Variants in PYGL observed in about 807,000 individuals in gnomAD.
PYGL encodes glycogen phosphorylase L.
A neutral mutation model predicts 100.1 loss-of-function variants in PYGL; 90 were observed. The ratio of observed to expected loss-of-function variants is 0.90; its 90% CI spans 0.76 to 1.07. The LOEUF (loss-of-function observed/expected upper bound fraction) is 1.07, where lower values mean the gene tolerates loss of function less well. Among genes scored for constraint, PYGL ranks in the 50% least tolerant of loss-of-function variants. The probability of loss-of-function intolerance (pLI) is 0.00; values close to 1 mark genes in which losing one functional copy is unlikely to be tolerated. For synonymous variants in PYGL, 373 were observed against 393.0 expected, an observed-to-expected ratio of 0.95 and a Z score of 0.60; for missense variants, 1,016 against 1,057.6, an observed-to-expected ratio of 0.96 and a Z score of 0.55.
At position 50,921,396 on chromosome 14, in the gene PYGL, A is replaced by C. The variant is rs1596040845; in HGVS notation, c.661-329T>G. ...ATGGTATTTGTATTCAAAAAAGTTT[A>C]TCTTTTTTTTTTTTTGAGACGGAGT... On this transcript the variant is annotated intron_variant, in intron 5 of 19. Transcript: ENST00000216392. The C allele has an allele frequency of 1.3e-5, 3 of 239,010 alleles. No individual in the cohort carries two copies. In the East Asian group the frequency reaches 3.1e-4, roughly 25 times the overall value. The allele number at this position is 239,010 out of a possible 1,614,324, so 14.8% of individuals were successfully genotyped here. A position where few individuals can be genotyped will look rare whatever the true frequency, so the allele number is the denominator to read the frequency against.
intron 16 of PYGL, among the ~76,000 whole-genome samples, chr14:50,910,582 A>G (rs2142789377): frequency 6.6e-6 from 1 of 152,218 alleles, no homozygotes; most frequent in Non-Finnish European, 1.5e-5. Context: ...CAGCCTCCCA[A>G]GTAGCTGCAA....
intron 16 of PYGL, among the ~76,000 whole-genome samples, chr14:50,910,679 C>CTTA (rs1189815566): frequency 8.5e-5 from 13 of 152,304 alleles, no homozygotes; most frequent in African/African-American, 3.1e-4. Context: ...CTGAACTTCT[C>CTTA]TCTCTTGATC....
chr14:50,927,523 C>T (rs530776961), intron 4 of PYGL, among the ~76,000 whole-genome samples: 51 of 152,314 alleles, frequency 3.3e-4, no homozygotes, highest in Admixed American at 3.3e-3. Context: ...CCACGATAAG[C>T]CACATTTGCT....
At chr14:50,907,912 G>A (rs531180986) in intron 19 of PYGL, among the ~76,000 whole-genome samples, 68 of 151,766 alleles carry the variant, frequency 4.5e-4, no homozygotes, top group Middle Eastern at 6.8e-3. Flanking sequence ...TAAGTGTGGT[G>A]GCACGTGCCT....
intron 12 of PYGL, chr14:50,913,418 CTGG>C (rs2050417848): frequency 6.2e-6 from 1 of 161,640 alleles, no homozygotes; most frequent in African/African-American, 2.4e-5. Flanking sequence ...GTCGCCCAGG[CTGG>C]AGTACAGTGG....
intron 4 of PYGL, among the ~76,000 whole-genome samples, chr14:50,927,922 G>A (rs2050567302): frequency 6.6e-6 from 1 of 152,040 alleles, no homozygotes; most frequent in African/African-American, 2.4e-5. Flanking sequence ...AGGTTTCCAT[G>A]TAGCCAGTGA....
intron 9 of PYGL, 126 bp from the exon 10 acceptor site, chr14:50,916,097 C>A: frequency 7.7e-7 from 1 of 1,304,098 alleles, no homozygotes; most frequent in South Asian, 1.2e-5. Context: ...TCAGAGCACT[C>A]AATTCCACTA....
chr14:50,908,121 T>G, intron 19 of PYGL, 150 bp downstream of exon 19: 9 of 583,228 alleles, frequency 1.5e-5, no homozygotes, highest in African/African-American at 2.0e-5. Flanking sequence ...TTGTTGTGGT[T>G]GTTTGTTTGT....
At chr14:50,939,152 T>C (rs2050682915) in intron 1 of PYGL, among the ~76,000 whole-genome samples, 1 of 152,170 alleles carries the variant, frequency 6.6e-6, no homozygotes, top group South Asian at 2.1e-4. Flanking sequence ...CAATTCTCCT[T>C]CAGCCTCCTG....
rs778923999 is a variant in PYGL at position 50,912,238 on chromosome 14, G to A, written c.1686C>T (p.Ser562=). 1.2e-6 allele frequency: 2 copies of A among 1,613,982 alleles called. No individual in the cohort carries two copies. The highest frequency in any genetic ancestry group is 8.5e-7 in the Non-Finnish European group (1 of 1,179,854). The stretch of plus-strand genomic sequence containing the variant: ...TCCTCTTCACCTGGACATCAAACAT[G>A]GAGGATGGGTTGATCTTCACTTTGT... ...TEYKVKINPS[S]MFDVQVKRIH... Residue 562 remains serine (S), a synonymous_variant, in exon 14 of 20, where the codon TCC becomes TCT. Transcript: ENST00000216392.
intron 17 of PYGL, among the ~76,000 whole-genome samples, chr14:50,909,238 G>A (rs1054511838): frequency 5.3e-5 from 8 of 152,096 alleles, no homozygotes; most frequent in African/African-American, 1.9e-4. Flanking sequence ...ATACAGCAAG[G>A]TCCATTTCAA....
At chr14:50,932,429 T>A (rs73286825) in intron 3 of PYGL, among the ~76,000 whole-genome samples, 9,078 of 152,098 alleles carry the variant, frequency 0.06, 391 homozygotes, top group African/African-American at 0.12. Context: ...ATCAGATGAG[T>A]GGTGCTAGAA....
In PYGL at chr14:50,920,576, C is replaced by T. The variant is rs146541298; in HGVS notation, c.820G>A (p.Glu274Lys). 5.1e-5 allele frequency: 82 copies of T among 1,613,412 alleles called. No homozygotes were observed. Among genetic ancestry groups the T allele is most frequent in the Non-Finnish European group, 6.4e-5 (76 of 1,179,462 alleles). ...GGATAGAGGACCCGGGAGATGTTCT[C>T]GGCCAGGTTTCGGTCCAGCACAGCC... Reference protein sequence around the residue: ...IQAVLDRNLAENISRVLYPND... With the variant: ...IQAVLDRNLAKNISRVLYPND... Residue 274 changes from glutamate to lysine, a missense_variant, in exon 7 of 20, where the codon GAG (glutamate) becomes AAG (lysine). Physicochemically the swap from Glu to Lys is moderately conservative, Grantham distance 56 (BLOSUM62 1). Coordinates refer to ENST00000216392, the MANE Select transcript of PYGL (RefSeq NM_002863.5).
rs540020530 is a variant in PYGL at position 50,935,177 on chromosome 14, C to G, written c.354G>C (p.Leu118Phe). The change falls in exon 3 of 20, where the codon TTG becomes TTC. Residue 118 changes from leucine to phenylalanine, a missense_variant. Physicochemically the swap from Leu to Phe is conservative, Grantham distance 22. Transcript: ENST00000216392. ...ACDEAIYQLG[L>F]DIEELEEIEE... is the part of the protein sequence containing the mutation. ...CAATTTCTTCTAACTCTTCTATATC[C>G]AATCCAAGCTGGTAATGAAAGGAAA... is the stretch of plus-strand genomic sequence containing the variant. 32 of 1,611,248 alleles carry G rather than the reference C, an allele frequency of 2.0e-5. No homozygotes were observed. Among genetic ancestry groups the G allele is most frequent in the Admixed American group, 1.5e-4 (9 of 60,012 alleles).
At chr14:50,916,082 C>T (rs1215672039) in intron 9 of PYGL, 111 bp from the exon 10 acceptor site, 22 of 1,439,758 alleles carry the variant, frequency 1.5e-5, no homozygotes, top group Non-Finnish European at 2.0e-5. Flanking sequence ...TCCAAGTGTG[C>T]ATAGTCAGAG....
chr14:50,927,100 A>C (rs1310458876), intron 4 of PYGL, among the ~76,000 whole-genome samples: 2 of 152,166 alleles, frequency 1.3e-5, no homozygotes, highest in Non-Finnish European at 2.9e-5. Flanking sequence ...CAGCAGGATG[A>C]TATACTGTCC....
intron 19 of PYGL, 24 bp downstream of exon 19, chr14:50,908,247 T>A: frequency 6.5e-7 from 1 of 1,545,086 alleles, no homozygotes; most frequent in Non-Finnish European, 8.9e-7. Context: ...TGGTTTTCTT[T>A]ATAAATCTTG....
intron 1 of PYGL, among the ~76,000 whole-genome samples, chr14:50,943,526 C>T (rs1339338642): frequency 6.6e-6 from 1 of 152,212 alleles, no homozygotes; most frequent in Non-Finnish European, 1.5e-5. Context: ...CATTGCCTGG[C>T]CCTGGGCCGC....
intron 4 of PYGL, among the ~76,000 whole-genome samples, chr14:50,925,372 T>A (rs942381590): frequency 1.3e-5 from 2 of 152,164 alleles, no homozygotes; most frequent in Non-Finnish European, 2.9e-5. Context: ...CATTAAAAAA[T>A]GGAATTGTGT....
Sources: gnomAD v4.1 joint callset for allele counts (sites outside exome capture counted in the v4.1 genomes callset) on GRCh38, gnomAD v4.1.1 for gene constraint, MANE v1.5 for transcripts, NCBI Gene and HGNC (gene_info 2026-07-23, HGNC 2026-07-21) for gene names.